Variants in WARS2 observed in about 807,000 individuals in gnomAD.
The protein encoded by WARS2 is tryptophan--tRNA ligase, mitochondrial.
A neutral mutation model predicts 36.5 loss-of-function variants in WARS2; 28 were observed. The ratio of observed to expected loss-of-function variants is 0.77; its 90% CI spans 0.57 to 1.05. WARS2 has a LOEUF of 1.05. WARS2 is among the 50% of genes least tolerant of loss of function. The pLI is 0.00. For synonymous variants in WARS2, 174 were observed against 178.4 expected (o/e 0.98, Z 0.20); for missense variants, 435 against 456.8 (o/e 0.95, Z 0.44).
chr1:119,040,632 A>G (rs1403222939), intron 4 of WARS2, among the ~76,000 whole-genome samples: 1 of 152,230 alleles, frequency 6.6e-6, no homozygotes, highest in African/African-American at 2.4e-5. Flanking sequence ...TCTATAAAGA[A>G]GTAGGCCTTG....
At chr1:119,067,157 A>C (rs934632361) in intron 2 of WARS2, among the ~76,000 whole-genome samples, 2 of 152,230 alleles carry the variant, frequency 1.3e-5, no homozygotes, top group Non-Finnish European at 2.9e-5. Flanking sequence ...GAATATGGGC[A>C]GCATGATGCC....
At chr1:119,035,305 GT>G (rs954801430) in intron 4 of WARS2, among the ~76,000 whole-genome samples, 1 of 152,042 alleles carries the variant, frequency 6.6e-6, no homozygotes, top group African/African-American at 2.4e-5. Flanking sequence ...GTGCGCTGAG[GT>G]TTTTTTAATC....
intron 2 of WARS2, among the ~76,000 whole-genome samples, chr1:119,055,097 C>T (rs924633374): frequency 2.6e-5 from 4 of 151,854 alleles, no homozygotes; most frequent in Admixed American, 1.3e-4. Context: ...ATAGATGAAA[C>T]GTATTTCTCA....
At chr1:119,058,009 G>A (rs577062721) in intron 2 of WARS2, among the ~76,000 whole-genome samples, 6 of 152,210 alleles carry the variant, frequency 3.9e-5, no homozygotes, top group Non-Finnish European at 7.4e-5. Flanking sequence ...GTGATTTTGT[G>A]TACTATTAAG....
chr1:119,115,023 AATGAGAT>A (rs1654872154), intron 1 of WARS2, among the ~76,000 whole-genome samples: 1 of 152,180 alleles, frequency 6.6e-6, no homozygotes, highest in Non-Finnish European at 1.5e-5. Context: ...TGGTGTGAAT[AATGAGAT>A]GTGGTTGTCA....
At chr1:119,121,625 T>C (rs4451588) in intron 1 of WARS2, among the ~76,000 whole-genome samples, 66,611 of 151,940 alleles carry the variant, frequency 0.44, 15,661 homozygotes, top group East Asian at 0.84. Flanking sequence ...AGGCATCACA[T>C]TACCCAGCTT....
intron 1 of WARS2, among the ~76,000 whole-genome samples, chr1:119,108,075 T>C: frequency 6.6e-6 from 1 of 152,054 alleles, no homozygotes; most frequent in East Asian, 1.9e-4. Flanking sequence ...TGGATTCACT[T>C]TGCTAGTATT....
chr1:119,124,870 G>A (rs1408973990), intron 1 of WARS2, among the ~76,000 whole-genome samples: 4 of 152,148 alleles, frequency 2.6e-5, no homozygotes, highest in Admixed American at 6.5e-5. Context: ...ATGTGACTTC[G>A]TATACTATTA....
chr1:119,132,833 T>C (rs1169475411), intron 1 of WARS2, among the ~76,000 whole-genome samples: 1 of 152,218 alleles, frequency 6.6e-6, no homozygotes, highest in Non-Finnish European at 1.5e-5. Context: ...CTTAATACTC[T>C]ATAATTAATG....
chr1:119,085,181 T>C, intron 1 of WARS2: 1 of 806,906 alleles, frequency 1.2e-6, no homozygotes, highest in Admixed American at 1.7e-5. Context: ...CCCTGGTCTT[T>C]TCTTCTCTTG....
chr1:119,038,301 T>G (rs1231134995), intron 4 of WARS2, among the ~76,000 whole-genome samples: 1 of 152,200 alleles, frequency 6.6e-6, no homozygotes, highest in African/African-American at 2.4e-5. Flanking sequence ...TTCCTGCATC[T>G]CGGAAAAATC....
chr1:119,115,122 A>T (rs1036314377), intron 1 of WARS2, among the ~76,000 whole-genome samples: 3 of 152,206 alleles, frequency 2.0e-5, no homozygotes, highest in African/African-American at 7.2e-5. Context: ...ATTTTAAATA[A>T]TGTCAATATT....
At chr1:119,123,554 G>C (rs994411712) in intron 1 of WARS2, among the ~76,000 whole-genome samples, 1 of 150,508 alleles carries the variant, frequency 6.6e-6, no homozygotes, top group Non-Finnish European at 1.5e-5. Context: ...TGTCAGGGAG[G>C]GGAGGGTGTT....
At chr1:119,062,608 C>T (rs573932350) in intron 2 of WARS2, among the ~76,000 whole-genome samples, 46 of 152,260 alleles carry the variant, frequency 3.0e-4, no homozygotes, top group African/African-American at 9.1e-4. Flanking sequence ...AGAATTTCCA[C>T]GTGTTGTGGG....
At chr1:119,035,099 G>A (rs1284853982) in intron 4 of WARS2, among the ~76,000 whole-genome samples, 2 of 152,204 alleles carry the variant, frequency 1.3e-5, no homozygotes, top group African/African-American at 2.4e-5. Flanking sequence ...ACTTCATCAT[G>A]AGTTTAATCC....
intron 1 of WARS2, among the ~76,000 whole-genome samples, chr1:119,116,225 G>A (rs891989230): frequency 5.9e-5 from 9 of 152,284 alleles, no homozygotes; most frequent in South Asian, 2.1e-4. Flanking sequence ...AGTGGAGTAA[G>A]TATAGTTAGT....
chr1:119,076,304 T>A, intron 2 of WARS2, 46 bp downstream of exon 2: 1 of 1,593,248 alleles, frequency 6.3e-7, no homozygotes, highest in Non-Finnish European at 8.6e-7. Context: ...TTTCCTCAAA[T>A]AATCTACACA....
chr1:119,051,782 T>TG (rs1325669569), intron 2 of WARS2, among the ~76,000 whole-genome samples: 12 of 128,020 alleles, frequency 9.4e-5, no homozygotes, highest in African/African-American at 2.2e-4. Flanking sequence ...TTTTTTTTTT[T>TG]TTTGAGACAA....
chr1:119,096,752 G>T (rs778298007), intron 1 of WARS2, among the ~76,000 whole-genome samples: 16 of 151,868 alleles, frequency 1.1e-4, no homozygotes, highest in Non-Finnish European at 2.4e-4. Context: ...ATATTAAATT[G>T]TACCCCATAA....
Sources: gnomAD v4.1 joint callset for allele counts (sites outside exome capture counted in the v4.1 genomes callset) on GRCh38, gnomAD v4.1.1 for gene constraint, MANE v1.5 for transcripts, NCBI Gene and HGNC (gene_info 2026-07-23, HGNC 2026-07-21) for gene names.